UNC80: variants seen among roughly 807,000 people sequenced by gnomAD.
UNC80 encodes protein unc-80 homolog.
Under a neutral mutation model 384.6 loss-of-function variants are expected in UNC80, and 164 were observed. That is an observed-to-expected ratio of 0.43 (90% CI 0.38 to 0.49). UNC80 has a LOEUF of 0.49. Among genes scored for constraint, UNC80 ranks in the 20% least tolerant of loss-of-function variants. The pLI, the probability that UNC80 is intolerant of heterozygous loss-of-function variation, is 0.00. For missense variants in UNC80, 3,330 were observed against 4,143.0 expected (o/e 0.80, Z 5.39); for synonymous variants, 1,486 against 1,527.8 (o/e 0.97, Z 0.64).
chr2:209,908,153 C>T (rs1369722587), intron 29 of UNC80, among the ~76,000 whole-genome samples: 1 of 152,174 alleles, frequency 6.6e-6, no homozygotes, highest in Non-Finnish European at 1.5e-5. Context: ...GAACAGTGCC[C>T]ACATTTCCAG....
chr2:209,918,167 A>G (rs922483825), intron 32 of UNC80, among the ~76,000 whole-genome samples: 2 of 152,234 alleles, frequency 1.3e-5, no homozygotes, highest in African/African-American at 2.4e-5. Context: ...TCAAGTCTCT[A>G]TAAACCTCAA....
In UNC80 at chr2:209,784,406, G is replaced by A. The variant is rs894125639; in HGVS notation, c.601-1660G>A. ...TAAAGTCCTTATCAAGACCTATCAG[G>A]CAGTATATTATTTGACACTCAATGA... is the stretch of plus-strand genomic sequence containing the variant. On this transcript the variant is annotated intron_variant, in intron 4 of 64. Coordinates refer to ENST00000673920, the MANE Select transcript of UNC80 (RefSeq NM_001371986.1). 3.9e-5 allele frequency among the ~76,000 whole-genome samples: 6 copies of A among 152,038 alleles called. No individual in the cohort carries two copies. In the East Asian group the frequency reaches 1.2e-3, roughly 29 times the overall value.
At chr2:209,845,721 A>G (rs2082120766) in intron 21 of UNC80, among the ~76,000 whole-genome samples, 1 of 152,140 alleles carries the variant, frequency 6.6e-6, no homozygotes, top group African/African-American at 2.4e-5. Flanking sequence ...GTATATCACT[A>G]TTCTTTGCCT....
chr2:209,879,904 G>A (rs568074972), intron 24 of UNC80, among the ~76,000 whole-genome samples: 9 of 152,168 alleles, frequency 5.9e-5, no homozygotes, highest in South Asian at 2.1e-4. Flanking sequence ...CAGAAAGACC[G>A]TAATTTCCAC....
At position 209,890,389 on chromosome 2, in the gene UNC80, CACCCACCCACCTA is replaced by C. The variant is rs575794022; in HGVS notation, c.4276+2130_4276+2142del. On this transcript the variant is annotated intron_variant, in intron 26 of 64. Transcript: ENST00000673920. Reference sequence around the variant, plus strand: ...CTAAACACATCTGACTTACCCACCTCACCCACCCACCTACCCCTCACTATCACTTGATTCCTTA... The same window carrying C: ...CTAAACACATCTGACTTACCCACCTCCCCCTCACTATCACTTGATTCCTTA... 5.8e-4 allele frequency among the ~76,000 whole-genome samples: 88 copies of C among 152,296 alleles called. 1 individual carries two copies. The highest frequency in any genetic ancestry group is 5.6e-3 in the East Asian group (29 of 5,180).
chr2:209,969,594 T>C, intron 52 of UNC80, 174 bp from the exon 53 acceptor site: 1 of 837,572 alleles, frequency 1.2e-6, no homozygotes, highest in Non-Finnish European at 1.8e-6. Context: ...TCTGCTACGT[T>C]TTCAGTATCT....
chr2:209,948,772 C>T (rs2092024798), intron 47 of UNC80, among the ~76,000 whole-genome samples: 1 of 152,048 alleles, frequency 6.6e-6, no homozygotes, highest in Admixed American at 6.6e-5. Flanking sequence ...TATTTCATCA[C>T]TAAGAATAGT....
chr2:209,781,809 A>T (rs1329250988), intron 4 of UNC80, among the ~76,000 whole-genome samples: 1 of 152,198 alleles, frequency 6.6e-6, no homozygotes, highest in Non-Finnish European at 1.5e-5. Flanking sequence ...TGCCTCTAGA[A>T]CAAATTGTCA....
At chr2:209,968,828 A>G (rs975339305) in intron 52 of UNC80, 20 of 152,210 alleles carry the variant, frequency 1.3e-4, no homozygotes, top group African/African-American at 4.8e-4. Flanking sequence ...GGATTAGTAC[A>G]TAGGCTTGGT....
chr2:209,793,727 A>G lies in UNC80; in HGVS notation c.806A>G (p.Gln269Arg). 6.2e-7 allele frequency: 1 copy of G among 1,613,942 alleles called. No individual in the cohort carries two copies. The highest frequency in any genetic ancestry group is 1.1e-5 in the South Asian group (1 of 91,038). Reference sequence around the variant, plus strand: ...TATCTCTGCCTCCAAAAGGGACTCCAGGTGGTTTGTGAAACATTCCAGTCT... The same window carrying G: ...TATCTCTGCCTCCAAAAGGGACTCCGGGTGGTTTGTGAAACATTCCAGTCT... ...NQDARHLEGL[Q>R]VVCETFQSDS... Residue 269 changes from glutamine (Q) to arginine (R), a missense_variant, in exon 7 of 65, where the codon CAG (glutamine) becomes CGG (arginine). Gln to Arg is a conservative substitution (Grantham distance 43, BLOSUM62 1). Coordinates refer to ENST00000673920, the MANE Select transcript of UNC80 (RefSeq NM_001371986.1).
chr2:209,938,735 T>G (rs1340010383), intron 42 of UNC80, among the ~76,000 whole-genome samples: 1 of 151,906 alleles, frequency 6.6e-6, no homozygotes, highest in African/African-American at 2.4e-5. Context: ...TGTGTGTGTG[T>G]GTCTATTCAT....
At chr2:209,836,733 GCTC>G (rs1232576945) in intron 18 of UNC80, among the ~76,000 whole-genome samples, 3 of 152,112 alleles carry the variant, frequency 2.0e-5, no homozygotes, top group Non-Finnish European at 4.4e-5. Context: ...GATGACACTG[GCTC>G]CTCCTCTAGC....
At chr2:209,885,144 C>T (rs2085665987) in intron 25 of UNC80, among the ~76,000 whole-genome samples, 1 of 150,348 alleles carries the variant, frequency 6.7e-6, no homozygotes. Flanking sequence ...AAGCAAAATA[C>T]AATTCATAGC....
intron 47 of UNC80, among the ~76,000 whole-genome samples, chr2:209,952,756 C>G (rs1307272877): frequency 1.9e-4 from 29 of 152,292 alleles, no homozygotes; most frequent in Middle Eastern, 3.4e-3. Flanking sequence ...TCCACCCTTT[C>G]TAGTAAGACA....
chr2:209,775,797 T>G, intron 2 of UNC80, 92 bp from the exon 3 acceptor site: 1 of 1,346,648 alleles, frequency 7.4e-7, no homozygotes, highest in East Asian at 2.3e-5. Flanking sequence ...TACCTTGCTG[T>G]TCATTTTTTC....
chr2:209,900,777 T>C (rs2087307244), intron 28 of UNC80, among the ~76,000 whole-genome samples: 1 of 152,232 alleles, frequency 6.6e-6, no homozygotes, highest in Admixed American at 6.5e-5. Flanking sequence ...TCAAAAGTGC[T>C]ACTCCAGTGA....
chr2:209,977,187 G>C, intron 58 of UNC80, 109 bp downstream of exon 58: 1 of 1,155,486 alleles, frequency 8.7e-7, no homozygotes, highest in Non-Finnish European at 1.1e-6. Context: ...GAATATGTTA[G>C]CCATTTTGGT....
chr2:209,805,719 C>A (rs1053189872), intron 7 of UNC80, among the ~76,000 whole-genome samples: 7 of 152,312 alleles, frequency 4.6e-5, no homozygotes, highest in Middle Eastern at 3.4e-3. Flanking sequence ...TCTTCTATAA[C>A]CTAATCTTCT....
chr2:209,778,077 A>G (rs2076963156), intron 4 of UNC80, among the ~76,000 whole-genome samples: 2 of 152,146 alleles, frequency 1.3e-5, no homozygotes, highest in African/African-American at 4.8e-5. Context: ...GCATTTTTAT[A>G]GCATCTTGTA....
Sources: gnomAD v4.1 joint callset for allele counts (sites outside exome capture counted in the v4.1 genomes callset) on GRCh38, gnomAD v4.1.1 for gene constraint, MANE v1.5 for transcripts, NCBI Gene and HGNC (gene_info 2026-07-23, HGNC 2026-07-21) for gene names.